LCORL: variants seen among roughly 807,000 people sequenced by gnomAD.
LCORL encodes ligand-dependent nuclear receptor corepressor-like protein.
In LCORL, 41 loss-of-function variants were observed where a neutral mutation model predicts 141.8. That is an observed-to-expected ratio of 0.29 (90% CI 0.23 to 0.38). The LOEUF is 0.38. Ranked by LOEUF, LCORL falls within the 10% of genes least tolerant of loss-of-function variation. The probability of loss-of-function intolerance (pLI) is 1.00; values close to 1 mark genes in which losing one functional copy is unlikely to be tolerated. For missense variants in LCORL, 1,759 were observed against 2,035.0 expected (o/e 0.86, Z 2.61); for synonymous variants, 618 against 694.1 (o/e 0.89, Z 1.72).
intron 5 of LCORL, among the ~76,000 whole-genome samples, chr4:17,889,387 T>C (rs996602551): frequency 3.9e-5 from 6 of 152,134 alleles, no homozygotes; most frequent in African/African-American, 7.2e-5. Context: ...TAATATATTA[T>C]GGTATCTAGT....
chr4:17,930,218 T>C (rs1326631295), intron 4 of LCORL, among the ~76,000 whole-genome samples: 1 of 152,178 alleles, frequency 6.6e-6, no homozygotes, highest in Non-Finnish European at 1.5e-5. Context: ...AATGTAAATA[T>C]AAGCCAGAGG....
intron 6 of LCORL, chr4:17,883,244 TTTGA>T (rs750502372): frequency 4.2e-4 from 415 of 985,686 alleles, no homozygotes; most frequent in African/African-American, 5.6e-4. Context: ...CTATTTAAAC[TTTGA>T]TTGGTTGCTT....
chr4:17,977,285 T>C (rs746021353), intron 1 of LCORL, among the ~76,000 whole-genome samples: 1 of 152,148 alleles, frequency 6.6e-6, no homozygotes, highest in Non-Finnish European at 1.5e-5. Context: ...GGTTACAAAG[T>C]AGGGTTACAT....
intron 4 of LCORL, among the ~76,000 whole-genome samples, chr4:17,948,153 C>T (rs1739176073): frequency 6.6e-6 from 1 of 151,852 alleles, no homozygotes; most frequent in South Asian, 2.1e-4. Flanking sequence ...ATATGAACAC[C>T]TGCATGGTCG....
intron 4 of LCORL, among the ~76,000 whole-genome samples, chr4:17,927,395 C>T (rs1041058319): frequency 6.6e-6 from 1 of 152,204 alleles, no homozygotes; most frequent in African/African-American, 2.4e-5. Flanking sequence ...TTCATGTATT[C>T]ACCGGATTAG....
In LCORL at chr4:17,945,024, T is replaced by C. The variant is rs560535026; in HGVS notation, c.430+16879A>G. Among the ~76,000 whole-genome samples the C allele has an allele frequency of 1.5e-3, 234 of 152,252 alleles. 1 individual carries two copies. Among genetic ancestry groups the C allele is most frequent in the African/African-American group, 5.4e-3 (223 of 41,576 alleles). ...AAAATGGTGAAATAATATACAAAAC[T>C]AATTTATCACACTTCCCAGGTACAG... is the stretch of plus-strand genomic sequence containing the variant. On this transcript the variant is annotated intron_variant, in intron 4 of 7. Transcript: ENST00000635767.
chr4:17,969,659 G>T (rs573674376), intron 2 of LCORL, among the ~76,000 whole-genome samples: 5 of 152,086 alleles, frequency 3.3e-5, no homozygotes, highest in Non-Finnish European at 4.4e-5. Flanking sequence ...TATCCTGAAG[G>T]ATGGCTGAAG....
At chr4:17,965,387 T>C (rs958505181) in intron 2 of LCORL, among the ~76,000 whole-genome samples, 24 of 152,232 alleles carry the variant, frequency 1.6e-4, no homozygotes, top group African/African-American at 5.8e-4. Context: ...ACTAAATAAA[T>C]GCTGAAATAA....
intron 1 of LCORL, among the ~76,000 whole-genome samples, chr4:18,016,945 C>G (rs1249651192): frequency 6.6e-6 from 1 of 152,114 alleles, no homozygotes; most frequent in East Asian, 1.9e-4. Flanking sequence ...CTAAAACCTA[C>G]TGCTTATATT....
intron 4 of LCORL, among the ~76,000 whole-genome samples, chr4:17,937,188 T>C (rs1190281780): frequency 6.6e-6 from 1 of 152,202 alleles, no homozygotes; most frequent in Admixed American, 6.5e-5. Context: ...ATTTTAGTCA[T>C]TTCCAAGTTT....
At chr4:17,842,575 C>T (rs191119845) in exon 8 of LCORL, 4 of 534,450 alleles carry the variant, frequency 7.5e-6, no homozygotes, top group South Asian at 2.3e-5. Context: ...TTTGCTTTTG[C>T]CTATTAGCTG....
chr4:17,940,575 C>G (rs905494929), intron 4 of LCORL, among the ~76,000 whole-genome samples: 6 of 121,512 alleles, frequency 4.9e-5, no homozygotes, highest in South Asian at 3.2e-4. Flanking sequence ...CCAATGTCTA[C>G]CATAATTTCA....
At chr4:17,926,478 A>G (rs73098830) in intron 4 of LCORL, among the ~76,000 whole-genome samples, 4,900 of 152,254 alleles carry the variant, frequency 0.032, 270 homozygotes, top group African/African-American at 0.11. Flanking sequence ...CGACTCTTGG[A>G]CCTACACCAA....
At chr4:17,843,517 T>A in exon 8 of LCORL, 1 of 1,418,440 alleles carries the variant, frequency 7.1e-7, no homozygotes, top group Non-Finnish European at 9.7e-7. Context: ...AGAACAAACC[T>A]GATGTCTTTC....
At chr4:18,007,248 A>G (rs915291414) in intron 1 of LCORL, among the ~76,000 whole-genome samples, 3 of 152,242 alleles carry the variant, frequency 2.0e-5, no homozygotes, top group Non-Finnish European at 2.9e-5. Flanking sequence ...GATGAAAAAT[A>G]TAGTTCCTGT....
At chr4:17,851,345 C>T (rs1333375825) in intron 7 of LCORL, among the ~76,000 whole-genome samples, 3 of 152,040 alleles carry the variant, frequency 2.0e-5, no homozygotes, top group Admixed American at 2.0e-4. Context: ...CCAAGCCCCT[C>T]TTCTGGGGCA....
intron 7 of LCORL, among the ~76,000 whole-genome samples, chr4:17,848,347 CT>C (rs1186438776): frequency 2.0e-5 from 3 of 152,154 alleles, no homozygotes; most frequent in Non-Finnish European, 4.4e-5. Flanking sequence ...TAGAAAGTAT[CT>C]TTCTAGATGT....
chr4:17,961,164 C>G (rs1406281313), intron 4 of LCORL, among the ~76,000 whole-genome samples: 2 of 151,828 alleles, frequency 1.3e-5, no homozygotes, highest in African/African-American at 4.8e-5. Context: ...GAGAATAATC[C>G]CCCAACCTAA....
intron 1 of LCORL, among the ~76,000 whole-genome samples, chr4:17,993,487 G>A (rs1282222353): frequency 2.6e-5 from 4 of 151,990 alleles, no homozygotes; most frequent in African/African-American, 7.2e-5. Flanking sequence ...TTACAGGCGG[G>A]AGCCACCACA....
Sources: gnomAD v4.1 joint callset for allele counts (sites outside exome capture counted in the v4.1 genomes callset) on GRCh38, gnomAD v4.1.1 for gene constraint, MANE v1.5 for transcripts, NCBI Gene and HGNC (gene_info 2026-07-23, HGNC 2026-07-21) for gene names.